Variants in KCNK3 observed in about 807,000 individuals in gnomAD.
The protein encoded by KCNK3 is potassium two pore domain channel subfamily K member 3, also known as potassium channel subfamily K member 3.
Under a neutral mutation model 27.3 loss-of-function variants are expected in KCNK3, and 9 were observed. That is an observed-to-expected ratio of 0.33 (90% confidence interval 0.20 to 0.57). The LOEUF (loss-of-function observed/expected upper bound fraction) is 0.57. Ranked by LOEUF, KCNK3 falls within the 20% of genes least tolerant of loss-of-function variation. The pLI is 0.87. For synonymous variants in KCNK3, 278 were observed against 273.8 expected, an observed-to-expected ratio of 1.02 and a Z score of -0.15; for missense variants, 391 against 577.7, an observed-to-expected ratio of 0.68 and a Z score of 3.31.
chr2:26,709,819 G>C (rs914242842), intron 1 of KCNK3, among the ~76,000 whole-genome samples: 34 of 152,178 alleles, frequency 2.2e-4, no homozygotes, highest in Non-Finnish European at 2.9e-5. Context: ...ATGGGCGCAG[G>C]GCTACTGCCA....
intron 1 of KCNK3, among the ~76,000 whole-genome samples, chr2:26,707,441 G>C (rs1670389424): frequency 6.6e-6 from 1 of 152,230 alleles, no homozygotes; most frequent in Non-Finnish European, 1.5e-5. Flanking sequence ...CCCTGGGCTT[G>C]CTCCAAGGCT....
chr2:26,702,779 G>A (rs1212017499), intron 1 of KCNK3, among the ~76,000 whole-genome samples: 1 of 152,108 alleles, frequency 6.6e-6, no homozygotes, highest in African/African-American at 2.4e-5. Context: ...GGCTGGTAGG[G>A]GCTGGCTTGG....
At position 26,727,892 on chromosome 2, in the gene KCNK3, C is replaced by T; in HGVS notation, c.509C>T (p.Thr170Met). ...VLIGFFSCIS[T>M]LCIGAAAFSH... ...ATCGGCTTCTTCTCGTGCATCAGCACGCTGTGCATCGGCGCCGCCGCCTTC... is the reference window on the plus strand; with the variant it reads ...ATCGGCTTCTTCTCGTGCATCAGCATGCTGTGCATCGGCGCCGCCGCCTTC... Residue 170 changes from threonine (T) to methionine (M), a missense_variant, in exon 2 of 2, where the codon ACG becomes ATG. This residue lies in a region of KCNK3 where 158 missense variants were observed against 267.7 expected (regional missense o/e 0.59). Coordinates refer to ENST00000302909, the MANE Select transcript of KCNK3 (RefSeq NM_002246.3). 6.2e-7 allele frequency: 1 copy of T among 1,614,196 alleles called. No individual in the cohort carries two copies. Among genetic ancestry groups the T allele is most frequent in the Non-Finnish European group, 8.5e-7 (1 of 1,180,032 alleles).
In KCNK3 at chr2:26,732,025, T is replaced by G. The variant is rs1663551221; in HGVS notation, c.*3457T>G. On this transcript the variant is annotated 3_prime_UTR_variant, in exon 2 of 2. Coordinates refer to ENST00000302909, the MANE Select transcript of KCNK3 (RefSeq NM_002246.3). The stretch of plus-strand genomic sequence containing the variant: ...TAAAACATATGTCTTTGAAGGAGAG[T>G]GCATCACAAGCACCTTTCTTTGGGG... The G allele has an allele frequency of 1.3e-5, 2 of 151,886 alleles. No homozygotes were observed. Among genetic ancestry groups the G allele is most frequent in the African/African-American group, 4.8e-5 (2 of 41,330 alleles). 9.4% of individuals were successfully genotyped at this position (151,886 alleles called of 1,614,324 possible).
At chr2:26,705,006 T>A (rs1670355253) in intron 1 of KCNK3, among the ~76,000 whole-genome samples, 1 of 152,022 alleles carries the variant, frequency 6.6e-6, no homozygotes, top group Admixed American at 6.6e-5. Flanking sequence ...TCACTGTGTC[T>A]CCCAGGCTGG....
At chr2:26,709,535 G>A (rs1426485512) in intron 1 of KCNK3, among the ~76,000 whole-genome samples, 3 of 152,160 alleles carry the variant, frequency 2.0e-5, no homozygotes, top group Non-Finnish European at 2.9e-5. Flanking sequence ...CAGTAGATCT[G>A]CAGCATGGCG....
At chr2:26,704,137 T>C (rs1474352324) in intron 1 of KCNK3, among the ~76,000 whole-genome samples, 3 of 152,012 alleles carry the variant, frequency 2.0e-5, no homozygotes, top group Non-Finnish European at 2.9e-5. Context: ...CCCACCCTGC[T>C]CACCCAGCAG....
In KCNK3 at chr2:26,727,688, G is replaced by C; in HGVS notation, c.305G>C (p.Ser102Thr). The stretch of plus-strand genomic sequence containing the variant: ...CCAGGCTACGGGCACGCGGCACCCA[G>C]CACGGATGGCGGCAAGGTGTTCTGC... ...TTIGYGHAAP[S>T]TDGGKVFCMF... The change falls in exon 2 of 2, where the codon AGC (serine) becomes ACC (threonine). Residue 102 changes from serine (S) to threonine (T), a missense_variant. By Grantham distance (58) the Ser-to-Thr change is moderately conservative. This residue lies in a region of KCNK3 where 158 missense variants were observed against 267.7 expected (regional missense o/e 0.59). Coordinates refer to ENST00000302909, the MANE Select transcript of KCNK3 (RefSeq NM_002246.3). 6.5e-7 allele frequency: 1 copy of C among 1,528,634 alleles called. No individual in the cohort carries two copies. The highest frequency in any genetic ancestry group is 8.8e-7 in the Non-Finnish European group (1 of 1,136,418). The allele number at this position is 1,528,634 out of a possible 1,614,324, so 94.7% of individuals were successfully genotyped here.
In KCNK3 at chr2:26,726,470, A is replaced by G. The variant is rs1030141837; in HGVS notation, c.284-1197A>G. Among the ~76,000 whole-genome samples the G allele has an allele frequency of 2.0e-5, 3 of 152,366 alleles. 1 individual carries two copies. The highest frequency in any genetic ancestry group is 2.0e-4 in the Admixed American group (3 of 15,308). On this transcript the variant is annotated intron_variant, in intron 1 of 1. Transcript: ENST00000302909. ...AAGAAACATTTGGTTAAGATTTGATAAGGCTTAGAATGGAAGAAAATGCCA... is the reference window on the plus strand; with the variant it reads ...AAGAAACATTTGGTTAAGATTTGATGAGGCTTAGAATGGAAGAAAATGCCA...
intron 1 of KCNK3, among the ~76,000 whole-genome samples, chr2:26,696,047 G>A (rs755642354): frequency 7.2e-5 from 11 of 152,188 alleles, no homozygotes; most frequent in Non-Finnish European, 1.5e-4. Context: ...GCTGATAATG[G>A]CCCCAAACCC....
chr2:26,702,202 G>A (rs1558596129), intron 1 of KCNK3, among the ~76,000 whole-genome samples: 2 of 152,258 alleles, frequency 1.3e-5, no homozygotes, highest in South Asian at 4.1e-4. Context: ...TTCTCACTGT[G>A]TCCTCACATC....
chr2:26,709,052 G>A (rs1161924804), intron 1 of KCNK3, among the ~76,000 whole-genome samples: 1 of 152,172 alleles, frequency 6.6e-6, no homozygotes, highest in Admixed American at 6.5e-5. Context: ...GAGAACAATC[G>A]AGAATGGTCC....
rs1381737752 is a variant in KCNK3 at position 26,721,603 on chromosome 2, A to G, written c.284-6064A>G. ...TGGGCCCTCCCCTGGGTGCCCTCTG[A>G]GCCCAGCTGCCCTCTGCCATCCAGC... On this transcript the variant is annotated intron_variant, in intron 1 of 1. Coordinates refer to ENST00000302909, the MANE Select transcript of KCNK3 (RefSeq NM_002246.3). The surrounding 1 kb of genome is among the most constrained non-coding windows in gnomAD (Gnocchi z 4.3). Among the ~76,000 whole-genome samples the G allele has an allele frequency of 6.6e-6, 1 of 151,966 alleles. No individual in the cohort carries two copies. Among genetic ancestry groups the G allele is most frequent in the Non-Finnish European group, 1.5e-5 (1 of 67,974 alleles).
At chr2:26,724,349 C>G (rs1572614174) in intron 1 of KCNK3, 1 of 152,382 alleles carries the variant, frequency 6.6e-6, no homozygotes, top group Admixed American at 6.5e-5. Context: ...GTGAAATGCT[C>G]TCCTCCCAAG....
intron 1 of KCNK3, among the ~76,000 whole-genome samples, chr2:26,702,308 A>G (rs1477642308): frequency 6.6e-6 from 1 of 152,148 alleles, no homozygotes; most frequent in East Asian, 1.9e-4. Flanking sequence ...GTAGCACAAG[A>G]CCTGTTTTCT....
At position 26,729,577 on chromosome 2, in the gene KCNK3, T is replaced by C; in HGVS notation, c.*1009T>C. 1 of 152,448 alleles carries C rather than the reference T, an allele frequency of 6.6e-6. No homozygotes were observed. The highest frequency in any genetic ancestry group is 1.5e-5 in the Non-Finnish European group (1 of 68,202). 9.4% of individuals were successfully genotyped at this position (152,448 alleles called of 1,614,324 possible). On this transcript the variant is annotated 3_prime_UTR_variant, in exon 2 of 2. Transcript: ENST00000302909. ...GGGGCTGGGTGCAGTGGCTCACACC[T>C]GTATTCCCAACACTTTTGGAGGCTG...
At chr2:26,703,874 C>CA (rs1670338109) in intron 1 of KCNK3, among the ~76,000 whole-genome samples, 1 of 152,146 alleles carries the variant, frequency 6.6e-6, no homozygotes, top group Admixed American at 6.5e-5. Flanking sequence ...CTGCGGTGAG[C>CA]ATGACACACG....
At chr2:26,712,188 A>G (rs1295908850) in intron 1 of KCNK3, among the ~76,000 whole-genome samples, 1 of 152,202 alleles carries the variant, frequency 6.6e-6, no homozygotes, top group African/African-American at 2.4e-5. Flanking sequence ...CAACAAGCCC[A>G]GGGCAAGTCA....
chr2:26,710,791 T>C (rs1663097567), intron 1 of KCNK3, among the ~76,000 whole-genome samples: 2 of 152,054 alleles, frequency 1.3e-5, no homozygotes, highest in African/African-American at 2.4e-5. Flanking sequence ...CTGGAAGAGA[T>C]GAATAGAGCA....
Sources: allele counts gnomAD v4.1 joint callset (sites outside exome capture counted in the v4.1 genomes callset), GRCh38; gene constraint gnomAD v4.1.1; regional missense constraint gnomAD v4.1.1; non-coding constraint Gnocchi (gnomAD v3.1); transcripts MANE v1.5; gene names NCBI Gene and HGNC (gene_info 2026-07-23, HGNC 2026-07-21).